ENTPD3: variants seen among roughly 807,000 people sequenced by gnomAD.
ENTPD3 encodes CD39 antigen-like 3.
A neutral mutation model predicts 51.2 loss-of-function variants in ENTPD3; 60 were observed. That is an observed-to-expected ratio of 1.17 (90% CI 0.95 to 1.45). ENTPD3 has a LOEUF of 1.45. Ranked by LOEUF, ENTPD3 falls within the 40% of genes most tolerant of loss-of-function variation. The pLI is 0.00. For missense variants in ENTPD3, 593 were observed against 641.1 expected (o/e 0.93, Z 0.81); for synonymous variants, 221 against 238.4 (o/e 0.93, Z 0.67).
chr3:40,411,924 C>A lies in ENTPD3; in HGVS notation c.399C>A (p.Pro133=). 6.2e-7 allele frequency: 1 copy of A among 1,611,996 alleles called. No individual in the cohort carries two copies. The highest frequency in any genetic ancestry group is 8.5e-7 in the Non-Finnish European group (1 of 1,179,136). The change falls in exon 5 of 11, where the codon CCC becomes CCA. Residue 133 remains proline (P), a synonymous_variant. Transcript: ENST00000301825. The stretch of plus-strand genomic sequence containing the variant: ...CATCCCACCTCCACGGATCCACCCC[C>A]ATTCACCTGGGAGCCACGGCTGGGA... ...QVPSHLHGST[P]IHLGATAGMR...
At chr3:40,396,912 C>T (rs1955214239) in intron 3 of ENTPD3, among the ~76,000 whole-genome samples, 1 of 152,110 alleles carries the variant, frequency 6.6e-6, no homozygotes, top group Non-Finnish European at 1.5e-5. Context: ...CACATTAGTT[C>T]CCCATACTGG....
Position 40,411,912 on chromosome 3 carries a change from C to G in ENTPD3, c.387C>G (p.His129Gln). 5 of 1,612,374 alleles carry G rather than the reference C, an allele frequency of 3.1e-6. No homozygotes were observed. Among genetic ancestry groups the G allele is most frequent in the Non-Finnish European group, 4.2e-6 (5 of 1,179,330 alleles). Residue 129 changes from histidine to glutamine, a missense_variant, in exon 5 of 11, where the codon CAC (histidine) becomes CAG (glutamine). His to Gln is a conservative substitution (Grantham distance 24). Coordinates refer to ENST00000301825, the MANE Select transcript of ENTPD3 (RefSeq NM_001248.4). ...KVKGQVPSHL[H>Q]GSTPIHLGAT... ...AGGGGCAGGTTCCATCCCACCTCCA[C>G]GGATCCACCCCCATTCACCTGGGAG...
In ENTPD3 at chr3:40,427,370, A is replaced by G; in HGVS notation, c.1452A>G (p.Pro484=). 2 of 1,613,894 alleles carry G rather than the reference A, an allele frequency of 1.2e-6. No homozygotes were observed. Among genetic ancestry groups the G allele is most frequent in the South Asian group, 2.2e-5 (2 of 91,054 alleles). The change falls in exon 11 of 11, where the codon CCA becomes CCG. Residue 484 remains proline (P), a synonymous_variant. Coordinates refer to ENST00000301825, the MANE Select transcript of ENTPD3 (RefSeq NM_001248.4). Reference sequence around the variant, plus strand: ...CTCTGATCCGTCTGCCCATAGAACCACCTGTCTTTGTGGGCACCCTCGCTT... The same window carrying G: ...CTCTGATCCGTCTGCCCATAGAACCGCCTGTCTTTGTGGGCACCCTCGCTT... The part of the protein sequence containing the change: ...ESPLIRLPIE[P]PVFVGTLAFF...
intron 5 of ENTPD3, among the ~76,000 whole-genome samples, chr3:40,413,029 C>T (rs1955669557): frequency 6.6e-6 from 1 of 152,136 alleles, no homozygotes; most frequent in Non-Finnish European, 1.5e-5. Flanking sequence ...GAACTGAAAC[C>T]ATGTAATCTC....
At chr3:40,420,845 T>C (rs183919725) in intron 7 of ENTPD3, among the ~76,000 whole-genome samples, 1 of 152,088 alleles carries the variant, frequency 6.6e-6, no homozygotes, top group African/African-American at 2.4e-5. Flanking sequence ...TTGGGCTAAA[T>C]GTCTGAGTCA....
chr3:40,416,131 G>C, intron 7 of ENTPD3, 58 bp downstream of exon 7: 2 of 1,262,032 alleles, frequency 1.6e-6, no homozygotes, highest in Non-Finnish European at 2.3e-6. Flanking sequence ...GAGCTGAGGG[G>C]AGAATGCCCT....
Position 40,427,542 on chromosome 3 carries a change from C to T in ENTPD3, c.*34C>T. ...AGCAGCTCCTGGAGTCCAATGGCTG[C>T]TTAGAGTCAGCCTGGGTGGCACCAG... is the stretch of plus-strand genomic sequence containing the variant. On this transcript the variant is annotated 3_prime_UTR_variant, in exon 11 of 11. Transcript: ENST00000301825. The T allele has an allele frequency of 6.5e-7, 1 of 1,533,972 alleles. No homozygotes were observed.
chr3:40,407,039 T>C (rs1333484728), intron 4 of ENTPD3, among the ~76,000 whole-genome samples: 1 of 152,176 alleles, frequency 6.6e-6, no homozygotes, highest in Non-Finnish European at 1.5e-5. Context: ...TCATAATGCA[T>C]GAGCAAGAGT....
At position 40,423,182 on chromosome 3, in the gene ENTPD3, C is replaced by T. The variant is rs1374247947; in HGVS notation, c.1104+60C>T. 2.7e-5 allele frequency: 42 copies of T among 1,578,552 alleles called. No individual in the cohort carries two copies. The South Asian group carries it at 4.0e-4, about 15-fold the overall frequency. Reference sequence around the variant, plus strand: ...CATTGAATATTCATTTCTCACTTTTCTGTTTCTCCTCTGCTGACTTGTTAG... The same window carrying T: ...CATTGAATATTCATTTCTCACTTTTTTGTTTCTCCTCTGCTGACTTGTTAG... On this transcript the variant is annotated intron_variant, in intron 8 of 10. Transcript: ENST00000301825.
intron 10 of ENTPD3, among the ~76,000 whole-genome samples, chr3:40,425,887 G>A (rs1955971277): frequency 8.0e-6 from 1 of 124,460 alleles, no homozygotes. Context: ...GAAAGAGCAA[G>A]ACTCTGTCTC....
chr3:40,412,115 GA>G (rs1302961815), intron 5 of ENTPD3, among the ~76,000 whole-genome samples, 153 bp downstream of exon 5: 11 of 152,158 alleles, frequency 7.2e-5, no homozygotes, highest in Non-Finnish European at 1.6e-4. Flanking sequence ...TAAAGGTTGG[GA>G]AACTTTTAGT....
rs1380415800 is a variant in ENTPD3, at chr3:40,427,363, T to C, written c.1445T>C (p.Ile482Thr). 1.2e-6 allele frequency: 2 copies of C among 1,614,154 alleles called. No individual in the cohort carries two copies. The highest frequency in any genetic ancestry group is 2.2e-5 in the South Asian group (2 of 91,078). ...PAESPLIRLPIEPPVFVGTLA... is the reference protein window; with the variant it reads ...PAESPLIRLPTEPPVFVGTLA... ...GAAAGCCCTCTGATCCGTCTGCCCA[T>C]AGAACCACCTGTCTTTGTGGGCACC... Residue 482 changes from isoleucine to threonine, a missense_variant, in exon 11 of 11, where the codon ATA becomes ACA. By Grantham distance (89) the Ile-to-Thr change is moderately conservative (BLOSUM62 -1). Transcript: ENST00000301825.
chr3:40,406,116 AAG>A (rs1955489439), intron 4 of ENTPD3, among the ~76,000 whole-genome samples: 2 of 152,210 alleles, frequency 1.3e-5, no homozygotes, highest in African/African-American at 4.8e-5. Context: ...GGGCAGGAAA[AAG>A]AGAGTGATCA....
At chr3:40,408,760 A>C (rs1038732613) in intron 4 of ENTPD3, among the ~76,000 whole-genome samples, 90 of 152,264 alleles carry the variant, frequency 5.9e-4, no homozygotes, top group African/African-American at 1.8e-3. Context: ...AACCAGGCAC[A>C]ATGGTGTGCA....
At chr3:40,406,475 T>C (rs1955501126) in intron 4 of ENTPD3, among the ~76,000 whole-genome samples, 1 of 152,174 alleles carries the variant, frequency 6.6e-6, no homozygotes, top group African/African-American at 2.4e-5. Flanking sequence ...ACTAATACGA[T>C]ATGACTTCTG....
rs1311880343 is a variant in ENTPD3 at position 40,427,276 on chromosome 3, G to T, written c.1358G>T (p.Gly453Val). Reference sequence around the variant, plus strand: ...GCCATCTCCTCTACTCCACAGGTGGGGAATAGCAGCATAGCCTGGTCTCTT... The same window carrying T: ...GCCATCTCCTCTACTCCACAGGTGGTGAATAGCAGCATAGCCTGGTCTCTT... ...WPQIHFEKEV[G>V]NSSIAWSLGY... Residue 453 changes from glycine (G) to valine (V), a missense_variant, in exon 11 of 11, where the codon GGG (glycine) becomes GTG (valine). Physicochemically the swap from Gly to Val is moderately radical, Grantham distance 109. Transcript: ENST00000301825. 6.2e-7 allele frequency: 1 copy of T among 1,613,766 alleles called. No individual in the cohort carries two copies. Among genetic ancestry groups the T allele is most frequent in the Admixed American group, 1.7e-5 (1 of 59,998 alleles).
chr3:40,388,547 G>A (rs1264054028), intron 2 of ENTPD3, among the ~76,000 whole-genome samples: 1 of 150,074 alleles, frequency 6.7e-6, no homozygotes, highest in Non-Finnish European at 1.5e-5. Context: ...GCAGGCACAA[G>A]TGCAGGATTT....
At chr3:40,412,192 G>A (rs1012758906) in intron 5 of ENTPD3, among the ~76,000 whole-genome samples, 2 of 152,162 alleles carry the variant, frequency 1.3e-5, no homozygotes, top group Admixed American at 1.3e-4. Context: ...TGATTTTACT[G>A]AGAACTTTGA....
chr3:40,414,622 T>A lies in ENTPD3; in HGVS notation c.438-59T>A, dbSNP rs150819230. ...TTGCATTTTCACCTGAGTGAGACTATGTATTTTAAGACTGTATTGTCTGGG... is the reference window on the plus strand; with the variant it reads ...TTGCATTTTCACCTGAGTGAGACTAAGTATTTTAAGACTGTATTGTCTGGG... On this transcript the variant is annotated intron_variant, in intron 5 of 10. Transcript: ENST00000301825. 90 of 1,575,372 alleles carry A rather than the reference T, an allele frequency of 5.7e-5. No homozygotes were observed. The Middle Eastern group carries it at 6.7e-4, about 12-fold the overall frequency.
Sources: allele counts gnomAD v4.1 joint callset (sites outside exome capture counted in the v4.1 genomes callset), GRCh38; gene constraint gnomAD v4.1.1; transcripts MANE v1.5; gene names NCBI Gene and HGNC (gene_info 2026-07-23, HGNC 2026-07-21).